CYRIB: variants seen among roughly 807,000 people sequenced by gnomAD.
CYRIB encodes CYFIP-related Rac1 interactor B.
CYRIB carries 8 observed loss-of-function variants against 44.2 expected under a neutral mutation model. The ratio of observed to expected loss-of-function variants is 0.18; its 90% CI spans 0.11 to 0.33. The LOEUF (loss-of-function observed/expected upper bound fraction) is 0.33, where lower values mean the gene tolerates loss of function less well. Among genes scored for constraint, CYRIB ranks in the 10% least tolerant of loss-of-function variants. The probability of loss-of-function intolerance (pLI) is 1.00; values close to 1 mark genes in which losing one functional copy is unlikely to be tolerated. For missense variants in CYRIB, 185 were observed against 382.8 expected, an observed-to-expected ratio of 0.48 and a Z score of 4.31; for synonymous variants, 131 against 127.2, an observed-to-expected ratio of 1.03 and a Z score of -0.20.
At chr8:129,878,211 A>G (rs945641546) in intron 3 of CYRIB, among the ~76,000 whole-genome samples, 6 of 152,230 alleles carry the variant, frequency 3.9e-5, no homozygotes, top group Non-Finnish European at 8.8e-5. Context: ...TAGCCTGTAC[A>G]CAGTACCCAA....
At chr8:129,943,086 A>ACCCCCCCCCCCCCCCCCCCC (rs779721289), upstream of CYRIB, among the ~76,000 whole-genome samples, 25 of 101,556 alleles carry the variant, frequency 2.5e-4, no homozygotes, top group African/African-American at 3.3e-4. Context: ...TGCACCGCCC[A>ACCCCCCCCCCCCCCCCCCCC]CCCGCCCCCC....
intron 2 of CYRIB, among the ~76,000 whole-genome samples, chr8:129,962,315 T>G (rs1227378276): frequency 6.6e-6 from 1 of 151,928 alleles, no homozygotes; most frequent in African/African-American, 2.4e-5. Flanking sequence ...AGGTGTGATG[T>G]GTGCCTGTAG....
intron 1 of CYRIB, among the ~76,000 whole-genome samples, chr8:129,980,663 C>CAAGAAA (rs1243582013): frequency 6.7e-6 from 1 of 149,194 alleles, no homozygotes; most frequent in African/African-American, 2.5e-5. Context: ...GACTCTGTCT[C>CAAGAAA]AAGAAAAAGA....
At chr8:129,879,541 GA>G in intron 2 of CYRIB, 70 bp from the exon 5 acceptor site, 1 of 1,126,890 alleles carries the variant, frequency 8.9e-7, no homozygotes, top group Non-Finnish European at 1.3e-6. Flanking sequence ...TTTACTTAAA[GA>G]AAAATAGTAA....
At chr8:130,010,979 G>C (rs763093072) in intron 1 of CYRIB, among the ~76,000 whole-genome samples, 1 of 152,110 alleles carries the variant, frequency 6.6e-6, no homozygotes, top group African/African-American at 2.4e-5. Context: ...CTCAAGTTTG[G>C]AAAGTTCTCT....
chr8:129,850,748 TG>T, intron 9 of CYRIB, 86 bp downstream of exon 11: 1 of 911,742 alleles, frequency 1.1e-6, no homozygotes, highest in South Asian at 1.4e-5. Flanking sequence ...AGATAAAACA[TG>T]TTAACATGTT....
At chr8:129,950,457 C>T (rs531272444) in intron 2 of CYRIB, among the ~76,000 whole-genome samples, 107 of 152,180 alleles carry the variant, frequency 7.0e-4, no homozygotes, top group Admixed American at 1.6e-3. Context: ...GTAATCTCAG[C>T]TACTTGCGAG....
intron 1 of CYRIB, among the ~76,000 whole-genome samples, chr8:129,928,674 A>G (rs1206118537): frequency 1.3e-5 from 2 of 151,802 alleles, no homozygotes; most frequent in Non-Finnish European, 2.9e-5. Context: ...AAAAAAAAAG[A>G]AAAAAGAAAA....
At chr8:129,980,148 T>C (rs1333316716) in intron 1 of CYRIB, among the ~76,000 whole-genome samples, 1 of 140,636 alleles carries the variant, frequency 7.1e-6, no homozygotes, top group Non-Finnish European at 1.5e-5. Flanking sequence ...TTGTTTTTAA[T>C]GGGCCAGAGA....
intron 1 of CYRIB, among the ~76,000 whole-genome samples, chr8:129,908,061 C>A (rs891132623): frequency 2.0e-5 from 3 of 152,118 alleles, no homozygotes; most frequent in Admixed American, 6.5e-5. Flanking sequence ...AAGACAGACC[C>A]TTCTCAAACT....
intron 11 of CYRIB, 55 bp from the exon 14 acceptor site, chr8:129,842,260 T>C (rs1217410109): frequency 8.0e-7 from 1 of 1,255,170 alleles, no homozygotes; most frequent in Non-Finnish European, 1.1e-6. Context: ...ATAATCAGCA[T>C]CGGGTTCTCT....
intron 1 of CYRIB, chr8:130,004,572 T>C (rs535367692): frequency 6.6e-6 from 1 of 152,330 alleles, no homozygotes; most frequent in Non-Finnish European, 1.5e-5. Flanking sequence ...GAAAGCCTGC[T>C]GGACAAATTC....
upstream of CYRIB, among the ~76,000 whole-genome samples, chr8:129,944,571 C>A (rs937543278): frequency 6.6e-6 from 1 of 151,966 alleles, no homozygotes; most frequent in Admixed American, 6.6e-5. Flanking sequence ...TCACTTGAGT[C>A]CAGGAGTTCG....
intron 9 of CYRIB, 172 bp downstream of exon 11, chr8:129,850,663 T>C (rs910238127): frequency 6.3e-6 from 4 of 634,904 alleles, no homozygotes; most frequent in Non-Finnish European, 8.2e-6. Flanking sequence ...GAAGTTACGT[T>C]AAATAGCCAA....
chr8:129,842,613 G>A (rs1021517232), intron 11 of CYRIB, among the ~76,000 whole-genome samples: 2 of 151,882 alleles, frequency 1.3e-5, no homozygotes, highest in African/African-American at 4.9e-5. Context: ...TGACTGGGGG[G>A]CAAAGGAAGA....
At chr8:129,853,424 AT>A (rs2044415004) in intron 7 of CYRIB, among the ~76,000 whole-genome samples, 1 of 152,132 alleles carries the variant, frequency 6.6e-6, no homozygotes, top group South Asian at 2.1e-4. Flanking sequence ...TTCCTAAAAT[AT>A]TTTTTCAAGG....
exon 8 of CYRIB, chr8:129,852,227 A>C: frequency 6.4e-7 from 1 of 1,567,466 alleles, no homozygotes; most frequent in Non-Finnish European, 8.6e-7. Context: ...TCAGCATAAA[A>C]CAAAGACATT....
intron 1 of CYRIB, among the ~76,000 whole-genome samples, chr8:129,999,695 A>G (rs2096863890): frequency 6.6e-6 from 1 of 152,236 alleles, no homozygotes; most frequent in African/African-American, 2.4e-5. Context: ...TGGCACGATC[A>G]CGGCTCCCTG....
At chr8:129,862,177 A>C (rs2050108320) in intron 5 of CYRIB, 52 bp downstream of exon 7, 1 of 1,315,618 alleles carries the variant, frequency 7.6e-7, no homozygotes, top group Non-Finnish European at 1.1e-6. Flanking sequence ...TTCTGGAATG[A>C]ATAAACATCT....
Sources: allele counts gnomAD v4.1 joint callset (sites outside exome capture counted in the v4.1 genomes callset), GRCh38; gene constraint gnomAD v4.1.1; transcripts MANE v1.5; gene names NCBI Gene and HGNC (gene_info 2026-07-23, HGNC 2026-07-21).